Variants in CCT8 observed in about 807,000 individuals in gnomAD.
CCT8 encodes chaperonin containing TCP1 subunit 8.
A neutral mutation model predicts 65.7 loss-of-function variants in CCT8; 10 were observed. That is an observed-to-expected ratio of 0.15 (90% CI 0.09 to 0.26). The LOEUF is 0.26. Ranked by LOEUF, CCT8 falls within the 10% of genes least tolerant of loss-of-function variation. The pLI, the probability that CCT8 is intolerant of heterozygous loss-of-function variation, is 1.00. For synonymous variants in CCT8, 199 were observed against 221.8 expected, an observed-to-expected ratio of 0.90 and a Z score of 0.92; for missense variants, 568 against 669.1, an observed-to-expected ratio of 0.85 and a Z score of 1.67.
chr21:29,056,443 AG>A lies in CCT8; in HGVS notation c.*31del. On this transcript the variant is annotated 3_prime_UTR_variant, in exon 15 of 15. Transcript: ENST00000286788. ...GATTCTTGAGTACTACTACAAATAC[AG>A]CCTTCACCTACAGTAAAAATTAAGC... is the stretch of plus-strand genomic sequence containing the variant. The A allele has an allele frequency of 8.1e-7, 1 of 1,235,148 alleles. No individual in the cohort carries two copies. 76.5% of individuals were successfully genotyped at this position (1,235,148 alleles called of 1,614,324 possible).
chr21:29,073,032 CG>C (rs1440519826), intron 1 of CCT8, among the ~76,000 whole-genome samples: 4 of 152,180 alleles, frequency 2.6e-5, no homozygotes, highest in Non-Finnish European at 5.9e-5. Context: ...AGCTGAAAGC[CG>C]TATGTTTCTC....
At chr21:29,070,887 C>T (rs1328455854) in intron 1 of CCT8, among the ~76,000 whole-genome samples, 1 of 152,164 alleles carries the variant, frequency 6.6e-6, no homozygotes, top group East Asian at 1.9e-4. Context: ...AGAATCTGGG[C>T]TTTTGTAAAG....
chr21:29,071,874 G>A (rs2085683899), intron 1 of CCT8: 1 of 693,996 alleles, frequency 1.4e-6, no homozygotes, highest in Admixed American at 2.1e-5. Flanking sequence ...ACCAGCTTAG[G>A]ATAAAATGCA....
rs2085500521 is a variant in CCT8, at chr21:29,056,514, TG to T, written c.1607del (p.Pro536GlnfsTer43). On this transcript the variant is annotated frameshift_variant, in exon 15 of 15. Coordinates refer to ENST00000286788, the MANE Select transcript of CCT8 (RefSeq NM_006585.4). LOFTEE classifies it high-confidence loss of function. Reference sequence around the variant, plus strand: ...CATCATCCCAGTCTTTCTTCCCACTTGGAGGCTTGGGCCCACCAGCTGGTTT... The same window carrying T: ...CATCATCCCAGTCTTTCTTCCCACTTGAGGCTTGGGCCCACCAGCTGGTTT... ...MAKPAGGPKP[P>X]SGKKDWDDDQ... 1.3e-6 allele frequency: 2 copies of T among 1,546,712 alleles called. No homozygotes were observed. Among genetic ancestry groups the T allele is most frequent in the Admixed American group, 2.0e-5 (1 of 50,540 alleles).
chr21:29,062,471 T>C lies in CCT8; in HGVS notation c.1008+19A>G, dbSNP rs771120941. 3.7e-6 allele frequency: 6 copies of C among 1,613,026 alleles called. No homozygotes were observed. In the South Asian group the frequency reaches 6.6e-5, roughly 18 times the overall value. ...TCCATCTTGTTCAACTATCTTTTAG[T>C]GTTTTCCAAAATACATACCAATCTA... On this transcript the variant is annotated intron_variant, in intron 9 of 14. Coordinates refer to ENST00000286788, the MANE Select transcript of CCT8 (RefSeq NM_006585.4).
chr21:29,061,520 G>A lies in CCT8; in HGVS notation c.1260C>T (p.Ala420=). 1 of 1,613,908 alleles carries A rather than the reference G, an allele frequency of 6.2e-7. No individual in the cohort carries two copies. The highest frequency in any genetic ancestry group is 1.3e-5 in the African/African-American group (1 of 75,016). The change falls in exon 12 of 15, where the codon GCC becomes GCT. Residue 420 remains alanine, a synonymous_variant. Coordinates refer to ENST00000286788, the MANE Select transcript of CCT8 (RefSeq NM_006585.4). ...PGGGATEIEL[A]KQITSYGETC... is the part of the protein sequence containing the mutation. ...CCTCTCCATATGATGTGATCTGTTTGGCTAATTCAATTTCTGTTGCTCCAC... is the reference window on the plus strand; with the variant it reads ...CCTCTCCATATGATGTGATCTGTTTAGCTAATTCAATTTCTGTTGCTCCAC...
At chr21:29,070,610 G>C (rs2085670199) in intron 1 of CCT8, among the ~76,000 whole-genome samples, 1 of 152,168 alleles carries the variant, frequency 6.6e-6, no homozygotes, top group Non-Finnish European at 1.5e-5. Flanking sequence ...ATTTTTTAAT[G>C]TAAAACACAG....
At chr21:29,057,784 GATATGTATGATATATAC>G (rs1338334076) in intron 14 of CCT8, among the ~76,000 whole-genome samples, 98 of 136,024 alleles carry the variant, frequency 7.2e-4, no homozygotes, top group African/African-American at 1.2e-3. Flanking sequence ...ATATATATGA[GATATGTATGATATATAC>G]ATATGTATGA....
intron 3 of CCT8, among the ~76,000 whole-genome samples, chr21:29,068,523 G>A (rs918600708): frequency 3.3e-5 from 5 of 151,878 alleles, no homozygotes; most frequent in South Asian, 2.1e-4. Context: ...GCAGTGGCGC[G>A]ATCTTGGCTC....
intron 1 of CCT8, among the ~76,000 whole-genome samples, chr21:29,071,231 A>T (rs1399245659): frequency 6.6e-6 from 1 of 152,220 alleles, no homozygotes; most frequent in African/African-American, 2.4e-5. Context: ...CAGGAGCCAC[A>T]GTTCAAATGC....
At chr21:29,063,262 A>G in intron 8 of CCT8, 90 bp downstream of exon 8, 4 of 987,074 alleles carry the variant, frequency 4.1e-6, no homozygotes, top group Non-Finnish European at 6.1e-6. Flanking sequence ...TCCCTTTATT[A>G]ACAGTCTTCA....
At position 29,061,578 on chromosome 21, in the gene CCT8, C is replaced by T. The variant is rs776073376; in HGVS notation, c.1213-11G>A. ...TACAAGACGTTTATCCTGTATGTAG[C>T]GCCCCCACCAAAAAAAAAATGAACA... is the stretch of plus-strand genomic sequence containing the variant. On this transcript the variant is annotated splice_polypyrimidine_tract_variant and intron_variant, in intron 11 of 14. Coordinates refer to ENST00000286788, the MANE Select transcript of CCT8 (RefSeq NM_006585.4). The T allele has an allele frequency of 2.0e-5, 32 of 1,601,972 alleles. No individual in the cohort carries two copies. In the Admixed American group the frequency reaches 3.5e-4, roughly 18 times the overall value.
intron 1 of CCT8, chr21:29,072,085 C>G (rs1280872109): frequency 3.4e-5 from 22 of 638,544 alleles, no homozygotes; most frequent in South Asian, 1.8e-4. Flanking sequence ...GGCATTTCCC[C>G]CTAAGTAAGA....
intron 4 of CCT8, among the ~76,000 whole-genome samples, chr21:29,067,332 TG>T (rs1009952621): frequency 5.5e-4 from 83 of 151,848 alleles, no homozygotes; most frequent in African/African-American, 1.9e-3. Context: ...TAAAATAAAG[TG>T]GGAAAAAAAA....
chr21:29,073,609 A>G lies in CCT8; in HGVS notation c.-19T>C, dbSNP rs1342760837. 2.5e-6 allele frequency: 4 copies of G among 1,613,564 alleles called. No homozygotes were observed. Among genetic ancestry groups the G allele is most frequent in the East Asian group, 4.5e-5 (2 of 44,866 alleles). On this transcript the variant is annotated 5_prime_UTR_variant, in exon 1 of 15. Transcript: ENST00000286788. ...GCGCCATGGCCAGCCTGCAGGAAGC[A>G]GTTCACGCGACCGCTCGGAAGACCG...
intron 6 of CCT8, among the ~76,000 whole-genome samples, chr21:29,066,500 T>C (rs1353275453): frequency 6.6e-6 from 1 of 151,724 alleles, no homozygotes; most frequent in African/African-American, 2.4e-5. Context: ...GGTCATGTCA[T>C]TGCACTCCAA....
Position 29,069,498 on chromosome 21 carries a change from C to A in CCT8, c.156G>T (p.Met52Ile). The change falls in exon 3 of 15, where the codon ATG becomes ATT. Residue 52 changes from methionine to isoleucine, a missense_variant. Coordinates refer to ENST00000286788, the MANE Select transcript of CCT8 (RefSeq NM_006585.4). ...CCAAGTGGTTGATAACCATTTTGTT[C>A]ATTCCTCAAAAGTAACAGTTAAAAA... ...TTRTAYGPNG[M>I]NKMVINHLEK... 6.4e-7 allele frequency: 1 copy of A among 1,556,008 alleles called. No homozygotes were observed. The highest frequency in any genetic ancestry group is 1.2e-5 in the South Asian group (1 of 80,790).
chr21:29,062,046 G>T, intron 11 of CCT8, 82 bp downstream of exon 11: 2 of 901,696 alleles, frequency 2.2e-6, no homozygotes, highest in Non-Finnish European at 3.6e-6. Flanking sequence ...CTCATGATGT[G>T]CAAGAGTCTG....
intron 1 of CCT8, 143 bp downstream of exon 1, chr21:29,073,388 A>C (rs1601099828): frequency 6.8e-7 from 1 of 1,476,164 alleles, no homozygotes; most frequent in Non-Finnish European, 9.0e-7. Context: ...TTCCAAAATC[A>C]CCTCCCTTTC....
Sources: gnomAD v4.1 joint callset for allele counts (sites outside exome capture counted in the v4.1 genomes callset) on GRCh38, gnomAD v4.1.1 for gene constraint, MANE v1.5 for transcripts, NCBI Gene and HGNC (gene_info 2026-07-23, HGNC 2026-07-21) for gene names.